NR2E3: variants seen among roughly 807,000 people sequenced by gnomAD.
The protein encoded by NR2E3 is photoreceptor-specific nuclear receptor.
A neutral mutation model predicts 37.6 loss-of-function variants in NR2E3; 38 were observed. The observed-to-expected ratio is 1.01, with a 90% confidence interval of 0.78 to 1.33. The LOEUF (loss-of-function observed/expected upper bound fraction) is 1.33, where lower values mean the gene tolerates loss of function less well. NR2E3 is among the 40% of genes most tolerant of loss of function. The probability of loss-of-function intolerance (pLI) is 0.00; values close to 1 mark genes in which losing one functional copy is unlikely to be tolerated. For synonymous variants in NR2E3, 235 were observed against 225.1 expected (o/e 1.04, Z -0.39); for missense variants, 562 against 558.7 (o/e 1.01, Z -0.06).
In NR2E3 at chr15:71,817,817, T is replaced by C; in HGVS notation, c.*133T>C. The C allele has an allele frequency of 2.8e-6, 2 of 715,770 alleles. No individual in the cohort carries two copies. Among genetic ancestry groups the C allele is most frequent in the Non-Finnish European group, 4.4e-6 (2 of 450,300 alleles). The allele number at this position is 715,770 out of a possible 1,614,324, so 44.3% of individuals were successfully genotyped here. On this transcript the variant is annotated 3_prime_UTR_variant, in exon 8 of 8. Coordinates refer to ENST00000617575, the MANE Select transcript of NR2E3 (RefSeq NM_014249.4). ...CAGAAATGCCCACCGAAAGATATTG[T>C]AAGAATATTCATAGCAGCTTTATTC...
intron 7 of NR2E3, 76 bp from the exon 8 acceptor site, chr15:71,817,476 C>T (rs12901549): frequency 1.3e-6 from 2 of 1,489,698 alleles, no homozygotes; most frequent in Non-Finnish European, 1.8e-6. Flanking sequence ...CCCTCCCTTT[C>T]CTGGGAGGGC....
chr15:71,816,035 T>C (rs546376373), intron 7 of NR2E3, among the ~76,000 whole-genome samples: 1 of 152,244 alleles, frequency 6.6e-6, no homozygotes, highest in Admixed American at 6.5e-5. Context: ...AGGAAGGCCT[T>C]AGGTTGGCAA....
chr15:71,811,473 T>G lies in NR2E3; in HGVS notation c.119-10T>G. ...CCTGCCCTGGCCCAGCCCTGCCCCC[T>G]GCCCCTCAGGCGTGAGCCCCTCGCT... On this transcript the variant is annotated splice_polypyrimidine_tract_variant and intron_variant, in intron 1 of 7. Transcript: ENST00000617575. The surrounding 1 kb of genome is among the most constrained non-coding windows in gnomAD (Gnocchi z 5.6). The G allele has an allele frequency of 6.4e-7, 1 of 1,550,660 alleles. No individual in the cohort carries two copies. The highest frequency in any genetic ancestry group is 8.7e-7 in the Non-Finnish European group (1 of 1,147,844).
chr15:71,817,345 G>A (rs966085214), intron 7 of NR2E3: 5 of 420,374 alleles, frequency 1.2e-5, no homozygotes, highest in Admixed American at 1.1e-4. Context: ...TGATCCGCCC[G>A]CCTCAGCCTC....
At position 71,813,508 on chromosome 15, in the gene NR2E3, C is replaced by T. The variant is rs1393145947; in HGVS notation, c.867C>T (p.Ala289=). The part of the protein sequence containing the change: ...APPEASAAGG[A]QGRLTLASME... ...CCGAGGCCTCTGCTGCCGGTGGTGC[C>T]CAGGGCCGGCTCACGCTGGCCAGCA... The change falls in exon 6 of 8, where the codon GCC becomes GCT. Residue 289 remains alanine, a synonymous_variant. Coordinates refer to ENST00000617575, the MANE Select transcript of NR2E3 (RefSeq NM_014249.4). The surrounding 1 kb of genome is among the most constrained non-coding windows in gnomAD (Gnocchi z 4.7). 2 of 1,612,960 alleles carry T rather than the reference C, an allele frequency of 1.2e-6. No individual in the cohort carries two copies. The highest frequency in any genetic ancestry group is 1.7e-6 in the Non-Finnish European group (2 of 1,179,594).
In NR2E3 at chr15:71,811,738, A is replaced by AC; in HGVS notation, c.246-24dup. On this transcript the variant is annotated intron_variant, in intron 2 of 7. Transcript: ENST00000617575. This position sits in a 1 kb window ranked among gnomAD's most constrained non-coding sequence, Gnocchi z 5.6. ...GGCTCAGGGCATGGGAGGGACACTGACCCCTGGGGTCTCCTCTTCACCTGC... is the reference window on the plus strand; with the variant it reads ...GGCTCAGGGCATGGGAGGGACACTGACCCCCTGGGGTCTCCTCTTCACCTGC... 1 of 1,546,602 alleles carries AC rather than the reference A, an allele frequency of 6.5e-7. No homozygotes were observed. The highest frequency in any genetic ancestry group is 8.7e-7 in the Non-Finnish European group (1 of 1,143,360).
At chr15:71,817,066 G>C (rs2054231914) in intron 7 of NR2E3, among the ~76,000 whole-genome samples, 1 of 151,688 alleles carries the variant, frequency 6.6e-6, no homozygotes, top group Non-Finnish European at 1.5e-5. Flanking sequence ...GGTAGGTGGA[G>C]GCAACTCCTC....
Position 71,810,877 on chromosome 15 carries a change from G to A in NR2E3, c.118+16G>A. 1 of 1,543,986 alleles carries A rather than the reference G, an allele frequency of 6.5e-7. No homozygotes were observed. ...GATCCCACAGGTATGGCTTCTCCTG[G>A]AGGTAGGGTTGGGTCTGGGCCCTTG... is the stretch of plus-strand genomic sequence containing the variant. On this transcript the variant is annotated intron_variant, in intron 1 of 7. Transcript: ENST00000617575.
intron 5 of NR2E3, among the ~76,000 whole-genome samples, chr15:71,812,899 T>G (rs2054197079): frequency 6.6e-6 from 1 of 152,142 alleles, no homozygotes; most frequent in Admixed American, 6.5e-5. Context: ...GGAGCACAAG[T>G]GCCTACGACT....
chr15:71,812,630 G>A, intron 5 of NR2E3, 119 bp downstream of exon 5: 1 of 889,902 alleles, frequency 1.1e-6, no homozygotes, highest in African/African-American at 1.7e-5. Flanking sequence ...AGCTTGGATG[G>A]TGATGGCTGG....
intron 7 of NR2E3, among the ~76,000 whole-genome samples, chr15:71,816,999 CATT>C (rs1481913443): frequency 6.6e-6 from 1 of 152,034 alleles, no homozygotes; most frequent in African/African-American, 2.4e-5. Flanking sequence ...AATATTTACT[CATT>C]ATTTTCATTG....
Position 71,810,684 on chromosome 15 carries a change from G to GGA in NR2E3, c.-60_-59insGA. ...CAGAGGTTCATGGACTGAGGCAAAGGCTGGGCCAGGCTCAGCAACCCAGGC... is the reference window on the plus strand; with the variant it reads ...CAGAGGTTCATGGACTGAGGCAAAGGGACTGGGCCAGGCTCAGCAACCCAGGC... On this transcript the variant is annotated 5_prime_UTR_variant, in exon 1 of 8. Transcript: ENST00000617575. 2 of 1,547,900 alleles carry GGA rather than the reference G, an allele frequency of 1.3e-6. No homozygotes were observed. Among genetic ancestry groups the GGA allele is most frequent in the Non-Finnish European group, 1.7e-6 (2 of 1,145,746 alleles).
At chr15:71,812,837 C>G (rs1047079607) in intron 5 of NR2E3, among the ~76,000 whole-genome samples, 1 of 152,146 alleles carries the variant, frequency 6.6e-6, no homozygotes. Context: ...CTGTGGGTAA[C>G]AAGTGACCTG....
At position 71,811,785 on chromosome 15, in the gene NR2E3, A is replaced by G. The variant is rs746366181; in HGVS notation, c.265A>G (p.Met89Val). ...LIYRCQVGAGMCPVDKAHRNQ... is the reference protein window; with the variant it reads ...LIYRCQVGAGVCPVDKAHRNQ... Reference sequence around the variant, plus strand: ...CTGCAGGTGCCAGGTGGGGGCAGGGATGTGCCCCGTGGACAAGGCCCACCG... The same window carrying G: ...CTGCAGGTGCCAGGTGGGGGCAGGGGTGTGCCCCGTGGACAAGGCCCACCG... Residue 89 changes from methionine to valine, a missense_variant, in exon 3 of 8, where the codon ATG becomes GTG. Transcript: ENST00000617575. The surrounding 1 kb of genome is among the most constrained non-coding windows in gnomAD (Gnocchi z 5.6). The G allele has an allele frequency of 5.8e-6, 9 of 1,551,020 alleles. No individual in the cohort carries two copies. The Admixed American group carries it at 1.8e-4, about 30-fold the overall frequency.
rs1262427630 is a variant in NR2E3 at position 71,811,818 on chromosome 15, T to A, written c.298T>A (p.Cys100Ser). 6.4e-7 allele frequency: 1 copy of A among 1,551,244 alleles called. No homozygotes were observed. Among genetic ancestry groups the A allele is most frequent in the Non-Finnish European group, 8.7e-7 (1 of 1,147,004 alleles). Reference protein sequence around the residue: ...CPVDKAHRNQCQACRLKKCLQ... With the variant: ...CPVDKAHRNQSQACRLKKCLQ... ...CGTGGACAAGGCCCACCGCAACCAG[T>A]GCCAGGCCTGCCGGCTGAAGAAGTG... Residue 100 changes from cysteine to serine, a missense_variant, in exon 3 of 8, where the codon TGC (cysteine) becomes AGC (serine). Physicochemically the swap from Cys to Ser is moderately radical, Grantham distance 112. Coordinates refer to ENST00000617575, the MANE Select transcript of NR2E3 (RefSeq NM_014249.4). This position sits in a 1 kb window ranked among gnomAD's most constrained non-coding sequence, Gnocchi z 5.6.
Position 71,813,301 on chromosome 15 carries a change from C to T in NR2E3, c.748-88C>T. On this transcript the variant is annotated intron_variant, in intron 5 of 7. Coordinates refer to ENST00000617575, the MANE Select transcript of NR2E3 (RefSeq NM_014249.4). This position sits in a 1 kb window ranked among gnomAD's most constrained non-coding sequence, Gnocchi z 4.7. ...GGGTCCCAGGACAGCACTTCCATTC[C>T]TTGGGTGCCTGAGATGGTGGCAGAG... 6.5e-7 allele frequency: 1 copy of T among 1,530,980 alleles called. No individual in the cohort carries two copies. The highest frequency in any genetic ancestry group is 8.8e-7 in the Non-Finnish European group (1 of 1,135,144). 94.8% of individuals were successfully genotyped at this position (1,530,980 alleles called of 1,614,324 possible). A position where few individuals can be genotyped will look rare whatever the true frequency, so the allele number is the denominator to read the frequency against.
rs772859788 is a variant in NR2E3, at chr15:71,811,925, G to T, written c.350-30G>T. ...ACAAGAAATGGGCAGCGGGACTGGC[G>T]TGTCGTCCTGACCCTTCCTGCCTCC... On this transcript the variant is annotated intron_variant, in intron 3 of 7. Coordinates refer to ENST00000617575, the MANE Select transcript of NR2E3 (RefSeq NM_014249.4). This position sits in a 1 kb window ranked among gnomAD's most constrained non-coding sequence, Gnocchi z 5.6. 5 of 1,548,908 alleles carry T rather than the reference G, an allele frequency of 3.2e-6. No individual in the cohort carries two copies. In the Admixed American group the frequency reaches 9.8e-5, roughly 30 times the overall value.
intron 7 of NR2E3, among the ~76,000 whole-genome samples, chr15:71,816,218 A>G (rs1253442861): frequency 6.7e-6 from 1 of 149,204 alleles, no homozygotes; most frequent in Non-Finnish European, 1.5e-5. Flanking sequence ...GGGCTTCACC[A>G]TCCGTCTTTT....
Position 71,817,644 on chromosome 15 carries a change from CT to C in NR2E3, c.1194del (p.Pro399GlnfsTer79). 1 of 1,608,132 alleles carries C rather than the reference CT, an allele frequency of 6.2e-7. No individual in the cohort carries two copies. Among genetic ancestry groups the C allele is most frequent in the Non-Finnish European group, 8.5e-7 (1 of 1,174,960 alleles). On this transcript the variant is annotated frameshift_variant, in exon 8 of 8. Coordinates refer to ENST00000617575, the MANE Select transcript of NR2E3 (RefSeq NM_014249.4). LOFTEE classifies it high-confidence loss of function. ...LLFFRKTIGN[T>X]PMEKLLCDMF... Reference sequence around the variant, plus strand: ...TTTTTCCGCAAGACCATAGGGAATACTCCAATGGAGAAGCTCCTTTGTGATA... The same window carrying C: ...TTTTTCCGCAAGACCATAGGGAATACCCAATGGAGAAGCTCCTTTGTGATA...
Sources: allele counts gnomAD v4.1 joint callset (sites outside exome capture counted in the v4.1 genomes callset), GRCh38; gene constraint gnomAD v4.1.1; non-coding constraint Gnocchi (gnomAD v3.1); transcripts MANE v1.5; gene names NCBI Gene and HGNC (gene_info 2026-07-23, HGNC 2026-07-21).